The following TCERG1L variants were observed in gnomAD, a reference collection of about 807,000 sequenced individuals.
TCERG1L encodes the protein transcription elongation regulator 1-like protein.
TCERG1L carries 37 observed loss-of-function variants against 56.3 expected under a neutral mutation model. The ratio of observed to expected loss-of-function variants is 0.66; its 90% CI spans 0.51 to 0.87. The LOEUF is 0.87. Ranked by LOEUF, TCERG1L falls within the 40% of genes least tolerant of loss-of-function variation. The pLI, the probability that TCERG1L is intolerant of heterozygous loss-of-function variation, is 0.00. For missense variants in TCERG1L, 799 were observed against 774.2 expected, an observed-to-expected ratio of 1.03 and a Z score of -0.38; for synonymous variants, 324 against 326.3, an observed-to-expected ratio of 0.99 and a Z score of 0.08.
rs1384032876 is a variant in TCERG1L at position 131,260,519 on chromosome 10, G to A, written c.671-75C>T. The A allele has an allele frequency of 1.8e-5, 23 of 1,313,046 alleles. No homozygotes were observed. Among genetic ancestry groups the A allele is most frequent in the African/African-American group, 3.1e-5 (2 of 64,820 alleles). The allele number at this position is 1,313,046 out of a possible 1,614,324, so 81.3% of individuals were successfully genotyped here. A position where few individuals can be genotyped will look rare whatever the true frequency, so the allele number is the denominator to read the frequency against. On this transcript the variant is annotated intron_variant, in intron 3 of 11. Coordinates refer to ENST00000368642, the MANE Select transcript of TCERG1L (RefSeq NM_174937.4). This position sits in a 1 kb window ranked among gnomAD's most constrained non-coding sequence, Gnocchi z 5.8. ...GGTGACAGATGCCCATCTCGCTACC[G>A]CAAGATATCAGCCCCCAGAAAACAG...
At chr10:131,234,918 G>A (rs777041497) in intron 4 of TCERG1L, among the ~76,000 whole-genome samples, 2 of 152,176 alleles carry the variant, frequency 1.3e-5, no homozygotes, top group Non-Finnish European at 2.9e-5. Flanking sequence ...TGGCCAGGAT[G>A]GTCTCGATCT....
intron 4 of TCERG1L, among the ~76,000 whole-genome samples, chr10:131,176,823 C>CGTGTACACACAGGCACATACAAAG (rs1564808092): frequency 3.1e-4 from 1 of 3,260 alleles, no homozygotes; most frequent in Non-Finnish European, 6.9e-4. Flanking sequence ...CATGCACACA[C>CGTGTACACACAGGCACATACAAAG]AGACACGTGT....
At chr10:131,296,323 T>C (rs987968734) in intron 3 of TCERG1L, among the ~76,000 whole-genome samples, 7 of 152,360 alleles carry the variant, frequency 4.6e-5, no homozygotes, top group Admixed American at 4.6e-4. Flanking sequence ...TGTTTGCTTA[T>C]TTTGAAGACA....
chr10:131,169,402 C>T (rs896141059), intron 4 of TCERG1L, among the ~76,000 whole-genome samples: 2 of 152,180 alleles, frequency 1.3e-5, no homozygotes, highest in Non-Finnish European at 2.9e-5. Context: ...AAGCTGAGCC[C>T]ACCGTTCCCC....
At chr10:131,189,799 G>A (rs1845285880) in intron 4 of TCERG1L, among the ~76,000 whole-genome samples, 1 of 152,124 alleles carries the variant, frequency 6.6e-6, no homozygotes, top group Non-Finnish European at 1.5e-5. Flanking sequence ...CCCACCAACA[G>A]CATACAAGAG....
At chr10:131,297,802 T>C (rs980196793) in intron 3 of TCERG1L, among the ~76,000 whole-genome samples, 13 of 152,166 alleles carry the variant, frequency 8.5e-5, no homozygotes, top group Admixed American at 5.9e-4. Context: ...TTATGTTTTC[T>C]ATTTCTATTT....
chr10:131,168,560 C>CCCGG (rs953237988), intron 4 of TCERG1L, among the ~76,000 whole-genome samples: 33 of 152,312 alleles, frequency 2.2e-4, no homozygotes, highest in African/African-American at 7.9e-4. Context: ...AGGCCCCATC[C>CCCGG]CCGGAGGTGC....
intron 6 of TCERG1L, among the ~76,000 whole-genome samples, chr10:131,148,575 A>G (rs116651937): frequency 2.1e-5 from 2 of 95,678 alleles, no homozygotes; most frequent in African/African-American, 3.3e-5. Context: ...CATACACACA[A>G]ATACAGACAC....
intron 4 of TCERG1L, among the ~76,000 whole-genome samples, chr10:131,240,581 C>T (rs898330890): frequency 2.6e-5 from 4 of 152,160 alleles, no homozygotes; most frequent in Non-Finnish European, 5.9e-5. Flanking sequence ...AAGGCCAGGC[C>T]TGCTCGAGGT....
chr10:131,292,836 C>T, intron 3 of TCERG1L, among the ~76,000 whole-genome samples: 1 of 150,112 alleles, frequency 6.7e-6, no homozygotes, highest in African/African-American at 2.4e-5. Context: ...AATTTTTAAT[C>T]ATTTTAATTT....
At chr10:131,125,566 C>T (rs1443709801) in intron 8 of TCERG1L, among the ~76,000 whole-genome samples, 1 of 152,204 alleles carries the variant, frequency 6.6e-6, no homozygotes, top group Non-Finnish European at 1.5e-5. Context: ...TCTGTATTCT[C>T]TAGTTTTTTA....
chr10:131,193,656 C>G (rs1845328073), intron 4 of TCERG1L, among the ~76,000 whole-genome samples: 1 of 152,184 alleles, frequency 6.6e-6, no homozygotes, highest in South Asian at 2.1e-4. Context: ...CTGTAAATAT[C>G]TGGCCTTATT....
At chr10:131,162,331 T>C (rs1487630754) in intron 6 of TCERG1L, 1 of 152,254 alleles carries the variant, frequency 6.6e-6, no homozygotes, top group Non-Finnish European at 1.5e-5. Context: ...GACCATGGCA[T>C]AGAAGCCAGG....
Position 131,260,339 on chromosome 10 carries a change from G to T in TCERG1L, c.776C>A (p.Pro259Gln), listed in dbSNP as rs535255286. ...GCGCGGCTGCACGCTGGAGGGGGACGGGCCCCGGAGGTTCTCAGGGTCCAC... is the reference window on the plus strand; with the variant it reads ...GCGCGGCTGCACGCTGGAGGGGGACTGGCCCCGGAGGTTCTCAGGGTCCAC... ...VSVDPENLRG[P>Q]SPSSVQPRHF... is the part of the protein sequence containing the mutation. Residue 259 changes from proline (P) to glutamine (Q), a missense_variant, in exon 4 of 12, where the codon CCG becomes CAG. By Grantham distance (76) the Pro-to-Gln change is moderately conservative. Transcript: ENST00000368642. This position sits in a 1 kb window ranked among gnomAD's most constrained non-coding sequence, Gnocchi z 5.8. The T allele has an allele frequency of 2.0e-6, 3 of 1,474,866 alleles. No individual in the cohort carries two copies. The East Asian group carries it at 8.2e-5, about 40-fold the overall frequency. The allele number at this position is 1,474,866 out of a possible 1,614,324, so 91.4% of individuals were successfully genotyped here. A position where few individuals can be genotyped will look rare whatever the true frequency, so the allele number is the denominator to read the frequency against.
chr10:131,144,496 T>C (rs1465501217), intron 7 of TCERG1L, among the ~76,000 whole-genome samples: 2 of 152,058 alleles, frequency 1.3e-5, no homozygotes, highest in African/African-American at 2.4e-5. Context: ...TTTTCGGGAA[T>C]GGGAAGTTGT....
chr10:131,212,618 G>A (rs1004213315), intron 4 of TCERG1L, among the ~76,000 whole-genome samples: 1 of 152,166 alleles, frequency 6.6e-6, no homozygotes, highest in African/African-American at 2.4e-5. Flanking sequence ...AGGGTCTTAG[G>A]TACTCTCCTG....
chr10:131,206,575 G>C (rs543213393), intron 4 of TCERG1L, among the ~76,000 whole-genome samples: 1 of 152,388 alleles, frequency 6.6e-6, no homozygotes, highest in Admixed American at 6.5e-5. Context: ...TGCAATCAAG[G>C]ACCCCGTGGC....
intron 4 of TCERG1L, among the ~76,000 whole-genome samples, chr10:131,212,185 T>C (rs1441603482): frequency 6.6e-6 from 1 of 152,198 alleles, no homozygotes; most frequent in Non-Finnish European, 1.5e-5. Flanking sequence ...TCACACGCTG[T>C]ACCCACTGGC....
chr10:131,178,297 GA>G (rs920111185), intron 4 of TCERG1L, among the ~76,000 whole-genome samples: 122 of 152,340 alleles, frequency 8.0e-4, no homozygotes, highest in African/African-American at 2.9e-3. Flanking sequence ...CAAGGAAGCC[GA>G]CTAGCGCGGG....
Sources: gnomAD v4.1 joint callset for allele counts (sites outside exome capture counted in the v4.1 genomes callset) on GRCh38, gnomAD v4.1.1 for gene constraint, Gnocchi (gnomAD v3.1) non-coding constraint, MANE v1.5 for transcripts, NCBI Gene and HGNC (gene_info 2026-07-23, HGNC 2026-07-21) for gene names.